The following STAU2 variants were observed in gnomAD, a reference collection of about 807,000 sequenced individuals.
STAU2 encodes double-stranded RNA-binding protein Staufen homolog 2.
A neutral mutation model predicts 65.9 loss-of-function variants in STAU2; 20 were observed. The observed-to-expected ratio is 0.30, with a 90% confidence interval of 0.21 to 0.44. The LOEUF (loss-of-function observed/expected upper bound fraction) is 0.44. STAU2 is among the 20% of genes least tolerant of loss of function. STAU2 has a pLI of 1.00. For missense variants in STAU2, 558 were observed against 683.9 expected (o/e 0.82, Z 2.05); for synonymous variants, 232 against 233.9 (o/e 0.99, Z 0.07).
At chr8:73,559,317 C>G (rs1808019581) in intron 12 of STAU2, among the ~76,000 whole-genome samples, 1 of 152,078 alleles carries the variant, frequency 6.6e-6, no homozygotes, top group Non-Finnish European at 1.5e-5. Flanking sequence ...ACATAGAGAC[C>G]CCAGAACAGG....
At chr8:73,580,796 T>C (rs1280032554) in intron 12 of STAU2, among the ~76,000 whole-genome samples, 1 of 152,106 alleles carries the variant, frequency 6.6e-6, no homozygotes, top group Non-Finnish European at 1.5e-5. Flanking sequence ...TTATCCTCTA[T>C]CGTAATCCAA....
rs60174387 is a variant in STAU2, at chr8:73,587,333, T to C, written c.1162-4503A>G. ...CCTTCACAGGGAAGGCCCTAAAGTA[T>C]GTACTCCATTAAAACAAGAAAGTAA... On this transcript the variant is annotated intron_variant, in intron 11 of 14. Transcript: ENST00000524300. Among the ~76,000 whole-genome samples, 37 of 152,310 alleles carry C rather than the reference T, an allele frequency of 2.4e-4. No individual in the cohort carries two copies. The East Asian group carries it at 6.4e-3, about 26-fold the overall frequency.
chr8:73,651,575 C>A, intron 6 of STAU2: 1 of 818,792 alleles, frequency 1.2e-6, no homozygotes, highest in African/African-American at 1.7e-5. Flanking sequence ...TTGGGCACCC[C>A]TGCCTGGGCC....
intron 13 of STAU2, among the ~76,000 whole-genome samples, chr8:73,441,946 T>G (rs1234576096): frequency 1.3e-5 from 2 of 152,212 alleles, no homozygotes; most frequent in South Asian, 2.1e-4. Context: ...TTTTTTAAAC[T>G]AACACAAATG....
intron 5 of STAU2, among the ~76,000 whole-genome samples, chr8:73,677,373 AT>A (rs916543171): frequency 2.6e-5 from 4 of 152,232 alleles, no homozygotes; most frequent in African/African-American, 9.6e-5. Flanking sequence ...AGAGAAATGT[AT>A]GCATTTTAAG....
In STAU2 at chr8:73,654,646, A is replaced by AAAAAAAAAAAAAAG; in HGVS notation, c.410+18460_410+18461insCTTTTTTTTTTTTT. 2.2e-5 allele frequency among the ~76,000 whole-genome samples: 3 copies of AAAAAAAAAAAAAAG among 139,338 alleles called. No individual in the cohort carries two copies. In the South Asian group the frequency reaches 6.7e-4, roughly 31 times the overall value. The allele number at this position is 139,338 out of a possible 152,430, so 91.4% of individuals were successfully genotyped here. A position where few individuals can be genotyped will look rare whatever the true frequency, so the allele number is the denominator to read the frequency against. The stretch of plus-strand genomic sequence containing the variant: ...CAGAACAAGATTGTCTCAAAAAAAA[A>AAAAAAAAAAAAAAG]AAAAAAAAAAAAAAAGAACTCTTTT... On this transcript the variant is annotated intron_variant, in intron 6 of 14. Transcript: ENST00000524300.
chr8:73,467,455 C>G (rs1477663590), intron 13 of STAU2, among the ~76,000 whole-genome samples: 1 of 152,254 alleles, frequency 6.6e-6, no homozygotes, highest in African/African-American at 2.4e-5. Context: ...TGGCGTGAAC[C>G]CGGGAGGAGG....
chr8:73,699,948 C>G (rs1270270285), intron 4 of STAU2, among the ~76,000 whole-genome samples: 1 of 149,974 alleles, frequency 6.7e-6, no homozygotes, highest in Non-Finnish European at 1.5e-5. Flanking sequence ...AAACCTAATC[C>G]AACAATACAT....
At position 73,595,162 on chromosome 8, in the gene STAU2, T is replaced by C; in HGVS notation, c.1161+4A>G. 1.3e-6 allele frequency: 2 copies of C among 1,599,936 alleles called. No homozygotes were observed. Among genetic ancestry groups the C allele is most frequent in the Non-Finnish European group, 1.7e-6 (2 of 1,175,040 alleles). ...GGATACATACATGTAAACTTAACTC[T>C]TACCTTCTCAAGTTGATCCTGAAGA... On this transcript the variant is annotated splice_donor_region_variant and intron_variant, in intron 11 of 14. Coordinates refer to ENST00000524300, the MANE Select transcript of STAU2 (RefSeq NM_001164380.2).
At chr8:73,673,353 G>A in intron 5 of STAU2, 111 bp from the exon 6 acceptor site, 6 of 1,062,456 alleles carry the variant, frequency 5.6e-6, no homozygotes, top group Admixed American at 6.9e-5. Context: ...AAGAATGGAT[G>A]GACCACCTGT....
chr8:73,611,087 T>TG (rs1424564864), intron 9 of STAU2, among the ~76,000 whole-genome samples: 2 of 152,238 alleles, frequency 1.3e-5, no homozygotes, highest in African/African-American at 4.8e-5. Context: ...ATATTTTACC[T>TG]GCTTCCATTG....
intron 6 of STAU2, among the ~76,000 whole-genome samples, chr8:73,625,629 T>C (rs1467491158): frequency 6.6e-6 from 1 of 152,220 alleles, no homozygotes; most frequent in Non-Finnish European, 1.5e-5. Context: ...TAGACCACGG[T>C]GATGGCTGTA....
At chr8:73,482,468 G>A (rs1332388059) in intron 13 of STAU2, among the ~76,000 whole-genome samples, 2 of 152,014 alleles carry the variant, frequency 1.3e-5, no homozygotes, top group Admixed American at 6.6e-5. Context: ...GAAATCCTTC[G>A]CCTTGGCACT....
At chr8:73,677,051 T>C (rs1319295100) in intron 5 of STAU2, among the ~76,000 whole-genome samples, 1 of 152,222 alleles carries the variant, frequency 6.6e-6, no homozygotes, top group Non-Finnish European at 1.5e-5. Context: ...ACAATGCAGA[T>C]TTTTAAGTGG....
chr8:73,710,464 T>A (rs1445107141), intron 3 of STAU2, among the ~76,000 whole-genome samples: 1 of 151,756 alleles, frequency 6.6e-6, no homozygotes, highest in Non-Finnish European at 1.5e-5. Context: ...CCTCTCTAAC[T>A]GTCAAGATCT....
chr8:73,568,756 A>C (rs1218409767), intron 12 of STAU2, among the ~76,000 whole-genome samples: 1 of 152,240 alleles, frequency 6.6e-6, no homozygotes, highest in Non-Finnish European at 1.5e-5. Context: ...TTGGGTCCAT[A>C]CTTTCAGTAT....
intron 6 of STAU2, chr8:73,653,874 C>T (rs1299403554): frequency 2.3e-6 from 1 of 443,478 alleles, no homozygotes; most frequent in South Asian, 1.6e-5. Flanking sequence ...CATCTTATAA[C>T]ACTGACTTAG....
At chr8:73,598,485 C>T (rs149944658) in intron 10 of STAU2, among the ~76,000 whole-genome samples, 3,520 of 152,162 alleles carry the variant, frequency 0.023, 57 homozygotes, top group Non-Finnish European at 0.033. Context: ...CCTCGGCCTC[C>T]CAAAGTGCTG....
At chr8:73,673,065 T>C (rs1331366364) in intron 6 of STAU2, 42 bp downstream of exon 6, 4 of 1,471,742 alleles carry the variant, frequency 2.7e-6, no homozygotes, top group Non-Finnish European at 1.8e-6. Flanking sequence ...ATAACATGGA[T>C]AAAATAATAA....
Sources: allele counts gnomAD v4.1 joint callset (sites outside exome capture counted in the v4.1 genomes callset), GRCh38; gene constraint gnomAD v4.1.1; transcripts MANE v1.5; gene names NCBI Gene and HGNC (gene_info 2026-07-23, HGNC 2026-07-21).